TBC1D1: variants seen among roughly 807,000 people sequenced by gnomAD.
The protein encoded by TBC1D1 is TBC1 (tre-2/USP6, BUB2, cdc16) domain family, member 1.
In TBC1D1, 89 loss-of-function variants were observed where a neutral mutation model predicts 125.6. The ratio of observed to expected loss-of-function variants is 0.71; its 90% CI spans 0.60 to 0.85. TBC1D1 has a LOEUF of 0.85. Among genes scored for constraint, TBC1D1 ranks in the 40% least tolerant of loss-of-function variants. The pLI, the probability that TBC1D1 is intolerant of heterozygous loss-of-function variation, is 0.00. For synonymous variants in TBC1D1, 565 were observed against 564.1 expected, an observed-to-expected ratio of 1.00 and a Z score of -0.02; for missense variants, 1,377 against 1,469.2, an observed-to-expected ratio of 0.94 and a Z score of 1.03.
At chr4:37,895,312 A>G (rs1196016273) in intron 1 of TBC1D1, among the ~76,000 whole-genome samples, 1 of 152,206 alleles carries the variant, frequency 6.6e-6, no homozygotes, top group Non-Finnish European at 1.5e-5. Context: ...AGGGTTATAC[A>G]TAATCTCTGA....
intron 2 of TBC1D1, chr4:37,960,932 T>C (rs1729916308): frequency 1.2e-6 from 2 of 1,614,192 alleles, no homozygotes; most frequent in East Asian, 4.5e-5. Flanking sequence ...CCCCTTCACC[T>C]GTGAAAATGC....
chr4:38,097,912 C>G (rs549073790), intron 14 of TBC1D1, among the ~76,000 whole-genome samples: 1 of 152,178 alleles, frequency 6.6e-6, no homozygotes, highest in Non-Finnish European at 1.5e-5. Context: ...TTGTTTGTTA[C>G]GCATTTTCCC....
chr4:38,077,428 T>C (rs924923657), intron 12 of TBC1D1, among the ~76,000 whole-genome samples: 1 of 152,192 alleles, frequency 6.6e-6, no homozygotes, highest in Admixed American at 6.5e-5. Context: ...TTATCTTTTA[T>C]TGATGCAAAT....
chr4:38,057,393 A>G (rs1197497628), intron 12 of TBC1D1, among the ~76,000 whole-genome samples: 1 of 152,118 alleles, frequency 6.6e-6, no homozygotes, highest in Non-Finnish European at 1.5e-5. Context: ...ACATGTTCAC[A>G]GGTTCATCTT....
At chr4:38,041,684 A>G (rs1477225572) in intron 8 of TBC1D1, among the ~76,000 whole-genome samples, 1 of 152,250 alleles carries the variant, frequency 6.6e-6, no homozygotes, top group Non-Finnish European at 1.5e-5. Flanking sequence ...TTGAAAGAAG[A>G]AAGCTAATTT....
At chr4:38,063,404 C>T (rs1476515233) in intron 12 of TBC1D1, among the ~76,000 whole-genome samples, 1 of 152,146 alleles carries the variant, frequency 6.6e-6, no homozygotes, top group African/African-American at 2.4e-5. Flanking sequence ...TACCCTATTG[C>T]CTGCTTCAGT....
At chr4:38,027,487 G>A (rs1745290399) in intron 6 of TBC1D1, among the ~76,000 whole-genome samples, 1 of 152,040 alleles carries the variant, frequency 6.6e-6, no homozygotes, top group African/African-American at 2.4e-5. Flanking sequence ...AAATTAGCTG[G>A]GCATGGTGGC....
At chr4:38,026,611 T>A (rs1745135557) in intron 6 of TBC1D1, among the ~76,000 whole-genome samples, 1 of 152,340 alleles carries the variant, frequency 6.6e-6, no homozygotes, top group South Asian at 2.1e-4. Flanking sequence ...AGGCAAGAGC[T>A]GCCCTTGGAA....
At chr4:38,093,525 C>G (rs1310207767) in intron 13 of TBC1D1, among the ~76,000 whole-genome samples, 4 of 149,774 alleles carry the variant, frequency 2.7e-5, no homozygotes, top group Middle Eastern at 3.2e-3. Context: ...GTTTTCCCCC[C>G]CCTTTTTTTT....
At chr4:38,133,351 C>A in intron 19 of TBC1D1, 94 bp downstream of exon 21, 1 of 1,169,714 alleles carries the variant, frequency 8.5e-7, no homozygotes, top group Non-Finnish European at 1.2e-6. Flanking sequence ...TTTCCCATGA[C>A]CAGAGGACCT....
In TBC1D1 at chr4:38,014,358, CCCTCCCGTGGGCTCCT is replaced by C. The variant is rs1199720756; in HGVS notation, c.418-145_418-130del. ...CTCCCATGGGAAGACATTCCTAGTC[CCCTCCCGTGGGCTCCT>C]CCTCCAGTGGGCTCCTCCTCCAGTG... is the stretch of plus-strand genomic sequence containing the variant. On this transcript the variant is annotated intron_variant, in intron 2 of 19. Transcript: ENST00000261439. The surrounding 1 kb of genome is among the most constrained non-coding windows in gnomAD (Gnocchi z 5.1). The C allele has an allele frequency of 4.5e-6, 3 of 664,788 alleles. No homozygotes were observed. In the East Asian group the frequency reaches 8.2e-5, roughly 18 times the overall value. The allele number at this position is 664,788 out of a possible 1,614,324, so 41.2% of individuals were successfully genotyped here.
At position 37,969,412 on chromosome 4, in the gene TBC1D1, G is replaced by A. The variant is rs568801687; in HGVS notation, c.418-45097G>A. 1.7e-4 allele frequency among the ~76,000 whole-genome samples: 26 copies of A among 152,244 alleles called. No homozygotes were observed. In the South Asian group the frequency reaches 4.4e-3, roughly 25 times the overall value. Reference sequence around the variant, plus strand: ...GTCTGGAGTGCAATGGCACAATCTCGGCTCATGGCAACCTCCACCTCCTGG... The same window carrying A: ...GTCTGGAGTGCAATGGCACAATCTCAGCTCATGGCAACCTCCACCTCCTGG... On this transcript the variant is annotated intron_variant, in intron 2 of 19. Coordinates refer to ENST00000261439, the MANE Select transcript of TBC1D1 (RefSeq NM_015173.4).
intron 2 of TBC1D1, among the ~76,000 whole-genome samples, chr4:37,919,021 A>C (rs1720335464): frequency 6.6e-6 from 1 of 151,850 alleles, no homozygotes; most frequent in African/African-American, 2.4e-5. Context: ...TACCAACAAC[A>C]CAGAGAAAAG....
At chr4:37,952,496 G>C (rs990283648) in intron 2 of TBC1D1, 6 of 176,146 alleles carry the variant, frequency 3.4e-5, no homozygotes, top group Non-Finnish European at 6.1e-5. Context: ...GATGGAGCTG[G>C]AAACCATTAT....
chr4:38,040,936 T>C (rs1039717541), intron 8 of TBC1D1, among the ~76,000 whole-genome samples: 2 of 152,222 alleles, frequency 1.3e-5, no homozygotes, highest in African/African-American at 4.8e-5. Context: ...GCTCATTCAC[T>C]CATTTTGAAC....
intron 2 of TBC1D1, among the ~76,000 whole-genome samples, chr4:37,912,156 G>A (rs149128900): frequency 2.4e-4 from 37 of 152,262 alleles, no homozygotes; most frequent in Admixed American, 7.2e-4. Flanking sequence ...AACTAAAGTC[G>A]CTCCTAAATT....
chr4:38,086,086 G>A (rs1258420285), intron 12 of TBC1D1, among the ~76,000 whole-genome samples: 1 of 152,120 alleles, frequency 6.6e-6, no homozygotes, highest in Non-Finnish European at 1.5e-5. Flanking sequence ...ATAAATTACT[G>A]AGCTATTTTG....
intron 2 of TBC1D1, among the ~76,000 whole-genome samples, chr4:37,905,390 A>G (rs964352997): frequency 7.2e-5 from 11 of 152,244 alleles, no homozygotes; most frequent in Non-Finnish European, 1.6e-4. Context: ...TCTTTTATAC[A>G]TTATTAACTG....
At chr4:38,105,346 T>A (rs1761119589) in intron 15 of TBC1D1, among the ~76,000 whole-genome samples, 1 of 152,212 alleles carries the variant, frequency 6.6e-6, no homozygotes, top group Non-Finnish European at 1.5e-5. Context: ...TCTTTAGAGT[T>A]GAGAAAATAG....
Sources: allele counts gnomAD v4.1 joint callset (sites outside exome capture counted in the v4.1 genomes callset), GRCh38; gene constraint gnomAD v4.1.1; non-coding constraint Gnocchi (gnomAD v3.1); transcripts MANE v1.5; gene names NCBI Gene and HGNC (gene_info 2026-07-23, HGNC 2026-07-21).